REV3L: variants seen among roughly 807,000 people sequenced by gnomAD.
REV3L encodes the protein REV3 like, DNA directed polymerase zeta catalytic subunit, also known as DNA polymerase zeta catalytic subunit.
In REV3L, 69 loss-of-function variants were observed where a neutral mutation model predicts 299.4. That is an observed-to-expected ratio of 0.23 (90% CI 0.19 to 0.28). The LOEUF (loss-of-function observed/expected upper bound fraction) is 0.28, where lower values mean the gene tolerates loss of function less well. Ranked by LOEUF, REV3L falls within the 10% of genes least tolerant of loss-of-function variation. REV3L has a pLI of 1.00. For missense variants in REV3L, 3,128 were observed against 3,693.8 expected (o/e 0.85, Z 3.97); for synonymous variants, 1,238 against 1,271.4 (o/e 0.97, Z 0.56).
Position 111,373,644 on chromosome 6 carries a change from T to C in REV3L, c.4711A>G (p.Asn1571Asp). The change falls in exon 13 of 32, where the codon AAT becomes GAT. Residue 1571 changes from asparagine to aspartate, a missense_variant. This residue lies in a region of REV3L where 2,409 missense variants were observed against 2,611.8 expected (regional missense o/e 0.92). Coordinates refer to ENST00000368802, the MANE Select transcript of REV3L (RefSeq NM_001372078.1). ...ISGSLEHNKA[N>D]KRTRSVTSPR... The stretch of plus-strand genomic sequence containing the variant: ...GACGTTACCGATCGTGTCCGTTTAT[T>C]TGCTTTGTTATGCTCAAGGGAACCA... 6.2e-7 allele frequency: 1 copy of C among 1,614,190 alleles called. No individual in the cohort carries two copies. The highest frequency in any genetic ancestry group is 8.5e-7 in the Non-Finnish European group (1 of 1,180,008).
intron 1 of REV3L, among the ~76,000 whole-genome samples, chr6:111,471,376 G>A (rs554554280): frequency 6.6e-6 from 1 of 152,204 alleles, no homozygotes; most frequent in South Asian, 2.1e-4. Flanking sequence ...CTAGACTGTA[G>A]ATATGTCACT....
At chr6:111,414,614 G>A (rs1358145990) in intron 2 of REV3L, among the ~76,000 whole-genome samples, 1 of 152,102 alleles carries the variant, frequency 6.6e-6, no homozygotes, top group Non-Finnish European at 1.5e-5. Flanking sequence ...CTAGATTAAG[G>A]TGGAAGCAGA....
At chr6:111,480,579 A>G (rs182421376) in intron 1 of REV3L, among the ~76,000 whole-genome samples, 2 of 152,242 alleles carry the variant, frequency 1.3e-5, no homozygotes, top group Admixed American at 6.5e-5. Flanking sequence ...TGAAAAGTGT[A>G]AACTCTAAAT....
chr6:111,469,075 T>C (rs1583109032), intron 1 of REV3L, among the ~76,000 whole-genome samples: 1 of 152,202 alleles, frequency 6.6e-6, no homozygotes, highest in African/African-American at 2.4e-5. Context: ...GGTGGGAGAA[T>C]AGCCTGAACC....
At chr6:111,313,541 A>C in intron 27 of REV3L, 52 bp from the exon 28 acceptor site, 1 of 1,527,762 alleles carries the variant, frequency 6.5e-7, no homozygotes, top group Non-Finnish European at 8.8e-7. Flanking sequence ...CCCCACCAAG[A>C]ATGTTTTATT....
intron 1 of REV3L, among the ~76,000 whole-genome samples, chr6:111,422,880 T>C (rs1785735650): frequency 6.6e-6 from 1 of 151,644 alleles, no homozygotes. Context: ...TTATGCCATT[T>C]TATTTCTTCA....
chr6:111,347,295 T>A (rs1047700997), intron 20 of REV3L, among the ~76,000 whole-genome samples: 19 of 150,766 alleles, frequency 1.3e-4, no homozygotes, highest in African/African-American at 3.9e-4. Context: ...AAAAAAAATA[T>A]ATATATATAA....
intron 25 of REV3L, among the ~76,000 whole-genome samples, chr6:111,323,592 A>C (rs1244199186): frequency 1.3e-5 from 2 of 152,230 alleles, no homozygotes; most frequent in Non-Finnish European, 2.9e-5. Flanking sequence ...CCACAGCATG[A>C]GTTTACAAAA....
intron 4 of REV3L, among the ~76,000 whole-genome samples, chr6:111,400,105 T>G (rs1445800735): frequency 6.6e-6 from 1 of 152,194 alleles, no homozygotes; most frequent in Non-Finnish European, 1.5e-5. Flanking sequence ...TTGTTCCTTT[T>G]TATCACTAAA....
At chr6:111,309,261 AG>A (rs1772686464) in intron 30 of REV3L, 1 of 152,250 alleles carries the variant, frequency 6.6e-6, no homozygotes, top group Non-Finnish European at 1.5e-5. Flanking sequence ...CCCGTGGGCT[AG>A]GAGAATGAGT....
At chr6:111,405,443 T>C in intron 4 of REV3L, 27 bp downstream of exon 4, 1 of 1,561,888 alleles carries the variant, frequency 6.4e-7, no homozygotes. Context: ...TTGACAAAAA[T>C]TTAATTTGAC....
chr6:111,308,984 G>A (rs1772650732), intron 30 of REV3L, among the ~76,000 whole-genome samples: 1 of 152,238 alleles, frequency 6.6e-6, no homozygotes, highest in Non-Finnish European at 1.5e-5. Flanking sequence ...GAGGGACAAT[G>A]GCTCGCTTCT....
At chr6:111,350,285 T>G (rs960465645) in intron 19 of REV3L, among the ~76,000 whole-genome samples, 2 of 152,166 alleles carry the variant, frequency 1.3e-5, no homozygotes, top group Non-Finnish European at 2.9e-5. Flanking sequence ...GTACAACCAC[T>G]CACCCAATTC....
At chr6:111,446,995 T>C (rs1308603297) in intron 1 of REV3L, among the ~76,000 whole-genome samples, 1 of 152,218 alleles carries the variant, frequency 6.6e-6, no homozygotes, top group Admixed American at 6.5e-5. Flanking sequence ...AAGAACTACA[T>C]ACTGATCACT....
At chr6:111,397,139 ATTTCT>A in intron 4 of REV3L, among the ~76,000 whole-genome samples, 1 of 143,120 alleles carries the variant, frequency 7.0e-6, no homozygotes, top group East Asian at 2.1e-4. Flanking sequence ...GATCTTTATT[ATTTCT>A]TTTCTTCTTC....
chr6:111,459,758 C>G (rs1389144924), intron 1 of REV3L, among the ~76,000 whole-genome samples: 1 of 151,818 alleles, frequency 6.6e-6, no homozygotes, highest in African/African-American at 2.4e-5. Context: ...GTTAAAAAGT[C>G]AATAAATAAC....
rs921504396 is a variant in REV3L at position 111,461,883 on chromosome 6, T to C, written c.139+20867A>G. 3.3e-5 allele frequency among the ~76,000 whole-genome samples: 5 copies of C among 152,140 alleles called. No homozygotes were observed. The South Asian group carries it at 8.3e-4, about 25-fold the overall frequency. ...ATAGACTAACATAAACCAGATACCA[T>C]AGTGGTAGATTTTAATCCAACCATA... On this transcript the variant is annotated intron_variant, in intron 1 of 31. Transcript: ENST00000368802.
At chr6:111,432,416 A>G (rs1273920364) in intron 1 of REV3L, among the ~76,000 whole-genome samples, 2 of 152,244 alleles carry the variant, frequency 1.3e-5, no homozygotes, top group East Asian at 3.8e-4. Context: ...CTATATTTGT[A>G]TCAGATAAAA....
chr6:111,322,106 T>C (rs554288933), intron 26 of REV3L, among the ~76,000 whole-genome samples: 28 of 152,326 alleles, frequency 1.8e-4, no homozygotes, highest in South Asian at 1.2e-3. Flanking sequence ...TATTTGCCTA[T>C]ATGCACTTCT....
Sources: allele counts gnomAD v4.1 joint callset (sites outside exome capture counted in the v4.1 genomes callset), GRCh38; gene constraint gnomAD v4.1.1; regional missense constraint gnomAD v4.1.1; transcripts MANE v1.5; gene names NCBI Gene and HGNC (gene_info 2026-07-23, HGNC 2026-07-21).